MCUB: variants seen among roughly 807,000 people sequenced by gnomAD.
MCUB encodes mitochondrial calcium uniporter dominant negative subunit beta.
MCUB carries 46 observed loss-of-function variants against 41.4 expected under a neutral mutation model. The observed-to-expected ratio is 1.11, with a 90% CI of 0.88 to 1.42. MCUB has a LOEUF of 1.42. Ranked by LOEUF, MCUB falls within the 40% of genes most tolerant of loss-of-function variation. The pLI is 0.00. For synonymous variants in MCUB, 148 were observed against 148.2 expected, an observed-to-expected ratio of 1.00 and a Z score of 0.01; for missense variants, 403 against 404.9, an observed-to-expected ratio of 1.00 and a Z score of 0.04.
At chr4:109,613,805 C>G (rs1297649789) in intron 1 of MCUB, among the ~76,000 whole-genome samples, 1 of 150,770 alleles carries the variant, frequency 6.6e-6, no homozygotes, top group East Asian at 1.9e-4. Context: ...TAACTGCAGA[C>G]TCACAGGCAG....
At chr4:109,622,040 C>G (rs1421881543) in intron 1 of MCUB, among the ~76,000 whole-genome samples, 2 of 152,116 alleles carry the variant, frequency 1.3e-5, no homozygotes, top group Admixed American at 6.5e-5. Flanking sequence ...CGCCACCATG[C>G]CCAGCTAATT....
At chr4:109,639,106 AC>A (rs1166020445) in intron 1 of MCUB, among the ~76,000 whole-genome samples, 1 of 152,130 alleles carries the variant, frequency 6.6e-6, no homozygotes, top group Non-Finnish European at 1.5e-5. Context: ...AGAATGGTGA[AC>A]CCTTTCTAGA....
At chr4:109,646,760 C>A (rs554050356) in intron 1 of MCUB, among the ~76,000 whole-genome samples, 1 of 152,298 alleles carries the variant, frequency 6.6e-6, no homozygotes, top group East Asian at 1.9e-4. Context: ...GTTTCTTAGA[C>A]CTCAGGGACA....
In MCUB at chr4:109,688,710, A is replaced by T. The variant is rs565791148; in HGVS notation, c.*1118A>T. ...AAAACATCAAACAATAAACTTTTATAAAAAAGTGACAAAATACAAGTTAAA... is the reference window on the plus strand; with the variant it reads ...AAAACATCAAACAATAAACTTTTATTAAAAAGTGACAAAATACAAGTTAAA... On this transcript the variant is annotated 3_prime_UTR_variant, in exon 8 of 8. Coordinates refer to ENST00000394650, the MANE Select transcript of MCUB (RefSeq NM_017918.5). 1 of 152,220 alleles carries T rather than the reference A, an allele frequency of 6.6e-6. No homozygotes were observed. The highest frequency in any genetic ancestry group is 2.4e-5 in the African/African-American group (1 of 41,450). 9.4% of individuals were successfully genotyped at this position (152,220 alleles called of 1,614,324 possible).
Position 109,659,007 on chromosome 4 carries a change from G to A in MCUB, c.100-4G>A, listed in dbSNP as rs1038907314. 9 of 1,508,282 alleles carry A rather than the reference G, an allele frequency of 6.0e-6. No individual in the cohort carries two copies. Among genetic ancestry groups the A allele is most frequent in the Non-Finnish European group, 7.2e-6 (8 of 1,108,250 alleles). The allele number at this position is 1,508,282 out of a possible 1,614,324, so 93.4% of individuals were successfully genotyped here. On this transcript the variant is annotated splice_polypyrimidine_tract_variant and splice_region_variant and intron_variant, in intron 1 of 7. Transcript: ENST00000394650. ...AAAAACAAATTAATTTTTCCTTCTTGTAGGTTTTGCGTGTGAAGCTGTGTG... is the reference window on the plus strand; with the variant it reads ...AAAAACAAATTAATTTTTCCTTCTTATAGGTTTTGCGTGTGAAGCTGTGTG...
intron 1 of MCUB, among the ~76,000 whole-genome samples, chr4:109,619,791 A>T (rs747377988): frequency 6.6e-6 from 1 of 152,150 alleles, no homozygotes; most frequent in Non-Finnish European, 1.5e-5. Flanking sequence ...TCTGCCTGAG[A>T]AGTTATAATA....
chr4:109,561,017 GGTGA>G (rs1307154797), intron 1 of MCUB: 56 of 152,392 alleles, frequency 3.7e-4, no homozygotes, highest in African/African-American at 1.3e-3. Flanking sequence ...TGAGTGTGCT[GGTGA>G]GTAACAGTTG....
chr4:109,664,187 T>C (rs1729292404), intron 3 of MCUB, 103 bp from the exon 4 acceptor site: 1 of 689,372 alleles, frequency 1.5e-6, no homozygotes, highest in African/African-American at 1.8e-5. Flanking sequence ...AATTGTCCAC[T>C]ATTATATTGT....
chr4:109,676,921 A>AT (rs567569710), intron 4 of MCUB, among the ~76,000 whole-genome samples: 203 of 152,374 alleles, frequency 1.3e-3, no homozygotes, highest in Middle Eastern at 0.01. Context: ...TATTTGGAAA[A>AT]TTCACAGCTG....
At chr4:109,568,971 G>A (rs762905078) in intron 1 of MCUB, among the ~76,000 whole-genome samples, 1 of 152,156 alleles carries the variant, frequency 6.6e-6, no homozygotes, top group South Asian at 2.1e-4. Context: ...TCTACTTGTT[G>A]AATAATTGAA....
chr4:109,584,165 G>A lies in MCUB; in HGVS notation c.99+23729G>A, dbSNP rs184434673. Among the ~76,000 whole-genome samples the A allele has an allele frequency of 1.4e-4, 22 of 152,130 alleles. No homozygotes were observed. In the East Asian group the frequency reaches 3.9e-3, roughly 27 times the overall value. ...CTATTCAGAGATTCAACTTCTTCCT[G>A]GTTTAGTCTTGGGAGGGTGTATGTG... On this transcript the variant is annotated intron_variant, in intron 1 of 7. Coordinates refer to ENST00000394650, the MANE Select transcript of MCUB (RefSeq NM_017918.5).
chr4:109,589,218 C>T (rs971375876), intron 1 of MCUB, among the ~76,000 whole-genome samples: 2 of 152,166 alleles, frequency 1.3e-5, no homozygotes, highest in African/African-American at 2.4e-5. Context: ...AGACCATGCC[C>T]GGCCCAGTAG....
chr4:109,664,470 G>T (rs996797633), intron 4 of MCUB, 76 bp downstream of exon 4: 2 of 641,444 alleles, frequency 3.1e-6, no homozygotes, highest in African/African-American at 3.7e-5. Context: ...TGTTTCCCAG[G>T]CTGGAGTACA....
At chr4:109,590,194 ATAAC>A (rs1727399197) in intron 1 of MCUB, among the ~76,000 whole-genome samples, 3 of 149,304 alleles carry the variant, frequency 2.0e-5, no homozygotes, top group Non-Finnish European at 4.5e-5. Context: ...AGAGTAAGTA[ATAAC>A]CCTATAATCC....
intron 1 of MCUB, among the ~76,000 whole-genome samples, chr4:109,624,128 T>G (rs1728312962): frequency 6.6e-6 from 1 of 152,176 alleles, no homozygotes; most frequent in Non-Finnish European, 1.5e-5. Context: ...ACTAGGATTA[T>G]AAGCACGAGC....
chr4:109,610,442 T>C (rs922911138), intron 1 of MCUB, among the ~76,000 whole-genome samples: 1 of 152,212 alleles, frequency 6.6e-6, no homozygotes, highest in Non-Finnish European at 1.5e-5. Context: ...TATAAGCATC[T>C]CACATCTGGG....
At position 109,607,160 on chromosome 4, in the gene MCUB, C is replaced by T. The variant is rs116355780; in HGVS notation, c.99+46724C>T. Among the ~76,000 whole-genome samples the T allele has an allele frequency of 4.1e-3, 629 of 152,268 alleles. 8 individuals are homozygous for T. The highest frequency in any genetic ancestry group is 0.014 in the African/African-American group (597 of 41,546). ...TTCTTTGATTTTTGTGTACTTATTA[C>T]TGGTGAGTTTTGTACTTTCAGGTGA... is the stretch of plus-strand genomic sequence containing the variant. On this transcript the variant is annotated intron_variant, in intron 1 of 7. Transcript: ENST00000394650.
intron 1 of MCUB, among the ~76,000 whole-genome samples, chr4:109,621,882 TTTA>T (rs1445258944): frequency 1.3e-5 from 2 of 152,114 alleles, no homozygotes; most frequent in Admixed American, 6.6e-5. Flanking sequence ...AGGACTTTTT[TTTA>T]TTATTTTATT....
chr4:109,628,888 T>G (rs1245373357), intron 1 of MCUB, among the ~76,000 whole-genome samples: 1 of 152,172 alleles, frequency 6.6e-6, no homozygotes, highest in Non-Finnish European at 1.5e-5. Flanking sequence ...CTTGTTTGTC[T>G]TTATGGTTAG....
Sources: gnomAD v4.1 joint callset for allele counts (sites outside exome capture counted in the v4.1 genomes callset) on GRCh38, gnomAD v4.1.1 for gene constraint, MANE v1.5 for transcripts, NCBI Gene and HGNC (gene_info 2026-07-23, HGNC 2026-07-21) for gene names.